Variants in ME1 observed in about 807,000 individuals in gnomAD.
ME1 encodes NADP-dependent malic enzyme.
Under a neutral mutation model 66.4 loss-of-function variants are expected in ME1, and 74 were observed. The observed-to-expected ratio is 1.11, with a 90% CI of 0.92 to 1.35. The LOEUF (loss-of-function observed/expected upper bound fraction) is 1.35, where lower values mean the gene tolerates loss of function less well. Among genes scored for constraint, ME1 ranks in the 40% most tolerant of loss-of-function variants. The pLI is 0.00. For synonymous variants in ME1, 251 were observed against 235.6 expected, an observed-to-expected ratio of 1.07 and a Z score of -0.60; for missense variants, 750 against 694.1, an observed-to-expected ratio of 1.08 and a Z score of -0.90.
intron 6 of ME1, among the ~76,000 whole-genome samples, chr6:83,287,108 A>T (rs1767410261): frequency 6.6e-6 from 1 of 152,128 alleles, no homozygotes; most frequent in African/African-American, 2.4e-5. Context: ...AATACTAAAA[A>T]CGTTTTTATT....
intron 5 of ME1, among the ~76,000 whole-genome samples, chr6:83,317,480 T>C (rs1299584169): frequency 1.1e-4 from 16 of 151,784 alleles, no homozygotes; most frequent in Non-Finnish European, 1.8e-4. Context: ...GTTGTTGGTG[T>C]ATAGGAATGC....
Position 83,430,847 on chromosome 6 carries a change from A to ATGGGCGGCCAGG in ME1, c.78+18_78+29dup, listed in dbSNP as rs575433134. On this transcript the variant is annotated intron_variant, in intron 1 of 13. Coordinates refer to ENST00000369705, the MANE Select transcript of ME1 (RefSeq NM_002395.6). ...CCCTGACCCTGATAGAGAGGGGCCG[A>ATGGGCGGCCAGG]TGGGCGGCCAGGTGGGCCTGCGGGT... 153 of 1,567,396 alleles carry ATGGGCGGCCAGG rather than the reference A, an allele frequency of 9.8e-5. No homozygotes were observed. In the African/African-American group the frequency reaches 1.9e-3, roughly 20 times the overall value.
chr6:83,289,586 G>A (rs1314644483), intron 6 of ME1, among the ~76,000 whole-genome samples: 6 of 152,116 alleles, frequency 3.9e-5, no homozygotes, highest in African/African-American at 1.2e-4. Flanking sequence ...ATATTGGCCT[G>A]AAATTTTCTT....
intron 3 of ME1, among the ~76,000 whole-genome samples, chr6:83,391,853 A>G (rs1583414006): frequency 6.6e-6 from 1 of 152,146 alleles, no homozygotes; most frequent in South Asian, 2.1e-4. Context: ...CTCCTCCAAT[A>G]TCATCTTCCA....
At chr6:83,406,103 T>C (rs906653748) in intron 2 of ME1, among the ~76,000 whole-genome samples, 5 of 152,290 alleles carry the variant, frequency 3.3e-5, no homozygotes, top group African/African-American at 1.2e-4. Context: ...AGTTTTGTCA[T>C]TGGTTCTTTT....
chr6:83,341,708 G>A (rs1349259584), intron 5 of ME1, among the ~76,000 whole-genome samples: 3 of 152,078 alleles, frequency 2.0e-5, no homozygotes, highest in Middle Eastern at 3.2e-3. Context: ...GTCTGGAGGC[G>A]GGGAATCTAA....
In ME1 at chr6:83,407,260, T is replaced by C. The variant is rs368889522; in HGVS notation, c.212+508A>G. Among the ~76,000 whole-genome samples, 44 of 152,266 alleles carry C rather than the reference T, an allele frequency of 2.9e-4. No individual in the cohort carries two copies. The East Asian group carries it at 7.1e-3, about 25-fold the overall frequency. ...AGGGCCTGTAGTGGTTGCTCAAGGA[T>C]CTACTGCTAGTGAGATAGAGCCTGA... is the stretch of plus-strand genomic sequence containing the variant. On this transcript the variant is annotated intron_variant, in intron 2 of 13. Transcript: ENST00000369705.
intron 3 of ME1, among the ~76,000 whole-genome samples, chr6:83,371,567 T>A (rs917334258): frequency 2.6e-5 from 4 of 152,180 alleles, no homozygotes; most frequent in African/African-American, 9.6e-5. Context: ...CAGAAAAATA[T>A]AAGCCATACA....
At chr6:83,399,554 T>C (rs1235170868) in intron 2 of ME1, among the ~76,000 whole-genome samples, 1 of 152,324 alleles carries the variant, frequency 6.6e-6, no homozygotes, top group Non-Finnish European at 1.5e-5. Flanking sequence ...GTAACACTCA[T>C]CCTAAAAATA....
intron 6 of ME1, among the ~76,000 whole-genome samples, chr6:83,287,634 C>T (rs148928192): frequency 1.9e-3 from 295 of 152,118 alleles, no homozygotes; most frequent in African/African-American, 5.2e-3. Context: ...GTGTCTTTAT[C>T]GTAGAATGAT....
chr6:83,405,008 A>T (rs1420190151), intron 2 of ME1, among the ~76,000 whole-genome samples: 2 of 152,188 alleles, frequency 1.3e-5, no homozygotes, highest in Non-Finnish European at 2.9e-5. Context: ...TTGGTTCCAT[A>T]TGAAATTTAA....
chr6:83,288,216 T>C (rs1435872376), intron 6 of ME1, among the ~76,000 whole-genome samples: 1 of 152,190 alleles, frequency 6.6e-6, no homozygotes, highest in African/African-American at 2.4e-5. Flanking sequence ...GTTTTAGACA[T>C]GAAGTATTTG....
intron 5 of ME1, among the ~76,000 whole-genome samples, chr6:83,324,365 T>G (rs567221739): frequency 6.6e-6 from 1 of 151,096 alleles, no homozygotes; most frequent in Non-Finnish European, 1.5e-5. Flanking sequence ...GATAAAGACA[T>G]GAAAAACCCT....
intron 6 of ME1, among the ~76,000 whole-genome samples, chr6:83,285,167 TATATATTTAACAGTTATTGAA>T (rs1280700698): frequency 6.6e-6 from 1 of 152,204 alleles, no homozygotes; most frequent in African/African-American, 2.4e-5. Context: ...CAGAGTATAA[TATATATTTAACAGTTATTGAA>T]AATGTATGTG....
chr6:83,237,632 G>A, intron 9 of ME1, 85 bp downstream of exon 9: 1 of 642,946 alleles, frequency 1.6e-6, no homozygotes, highest in Non-Finnish European at 2.7e-6. Flanking sequence ...TGTAAAGGGA[G>A]GTGGTAGAAA....
At chr6:83,403,099 A>G (rs1471396695) in intron 2 of ME1, among the ~76,000 whole-genome samples, 1 of 152,236 alleles carries the variant, frequency 6.6e-6, no homozygotes, top group Non-Finnish European at 1.5e-5. Flanking sequence ...GTTAAGGAAT[A>G]TCGACGAGAG....
intron 5 of ME1, among the ~76,000 whole-genome samples, chr6:83,316,652 T>A (rs1251734151): frequency 6.6e-6 from 1 of 151,678 alleles, no homozygotes; most frequent in South Asian, 2.1e-4. Flanking sequence ...CACATATAAT[T>A]GTGTACATAG....
chr6:83,224,830 C>T (rs929380028), intron 11 of ME1, among the ~76,000 whole-genome samples: 3 of 151,718 alleles, frequency 2.0e-5, no homozygotes, highest in Non-Finnish European at 4.4e-5. Context: ...TATTTTTCAA[C>T]AATTGTCTTC....
intron 11 of ME1, among the ~76,000 whole-genome samples, chr6:83,224,796 GGAA>G (rs147781324): frequency 0.1 from 15,449 of 151,712 alleles, 1,016 homozygotes; most frequent in East Asian, 0.25. Flanking sequence ...GAATTGGCAA[GGAA>G]GAAGAAGATT....
Sources: gnomAD v4.1 joint callset for allele counts (sites outside exome capture counted in the v4.1 genomes callset) on GRCh38, gnomAD v4.1.1 for gene constraint, MANE v1.5 for transcripts, NCBI Gene and HGNC (gene_info 2026-07-23, HGNC 2026-07-21) for gene names.